Variants in PKHD1 observed in about 807,000 individuals in gnomAD.
PKHD1 encodes the protein PKHD1 ciliary IPT domain containing fibrocystin/polyductin, also known as fibrocystin.
PKHD1 carries 291 observed loss-of-function variants against 412.0 expected under a neutral mutation model. That is an observed-to-expected ratio of 0.71 (90% CI 0.64 to 0.78). The LOEUF (loss-of-function observed/expected upper bound fraction) is 0.78. Ranked by LOEUF, PKHD1 falls within the 30% of genes least tolerant of loss-of-function variation. The pLI is 0.00. For missense variants in PKHD1, 4,825 were observed against 4,950.7 expected (o/e 0.97, Z 0.76); for synonymous variants, 1,777 against 1,821.5 (o/e 0.98, Z 0.62).
Position 51,627,248 on chromosome 6 carries a change from T to G in PKHD1, c.11666-132A>C, listed in dbSNP as rs9474033. The G allele has an allele frequency of 0.28, 235,975 of 830,046 alleles. 34,343 individuals are homozygous for G. The highest frequency in any genetic ancestry group is 0.3 in the African/African-American group (17,985 of 59,030). The allele number at this position is 830,046 out of a possible 1,614,324, so 51.4% of individuals were successfully genotyped here. A position where few individuals can be genotyped will look rare whatever the true frequency, so the allele number is the denominator to read the frequency against. The stretch of plus-strand genomic sequence containing the variant: ...CATGCAACAGAAAGCATATAACATA[T>G]TCAGAGTTCAAGAAATAATGGCATA... On this transcript the variant is annotated intron_variant, in intron 65 of 66. Transcript: ENST00000371117.
chr6:51,999,399 G>A lies in PKHD1; in HGVS notation c.5751+10910C>T, dbSNP rs917993268. 4.6e-5 allele frequency among the ~76,000 whole-genome samples: 7 copies of A among 152,144 alleles called. No individual in the cohort carries two copies. In the South Asian group the frequency reaches 1.4e-3, roughly 31 times the overall value. The stretch of plus-strand genomic sequence containing the variant: ...CTGAGCTGATTTTCAATTCGATGAA[G>A]TCCGTTTCCATAACACTTTTAATAT... On this transcript the variant is annotated intron_variant, in intron 35 of 66. Coordinates refer to ENST00000371117, the MANE Select transcript of PKHD1 (RefSeq NM_138694.4).
intron 52 of PKHD1, among the ~76,000 whole-genome samples, chr6:51,821,029 C>G (rs980374245): frequency 4.6e-5 from 7 of 152,190 alleles, no homozygotes; most frequent in African/African-American, 1.7e-4. Flanking sequence ...GGCAGCTGCT[C>G]CTTGCTTGGC....
At chr6:51,959,577 C>A (rs997390305) in intron 36 of PKHD1, among the ~76,000 whole-genome samples, 2 of 152,034 alleles carry the variant, frequency 1.3e-5, no homozygotes, top group East Asian at 3.9e-4. Flanking sequence ...CCTGGATAAG[C>A]ATGACTAAAA....
intron 52 of PKHD1, among the ~76,000 whole-genome samples, chr6:51,827,241 C>T (rs1419833196): frequency 6.6e-6 from 1 of 151,966 alleles, no homozygotes; most frequent in Non-Finnish European, 1.5e-5. Flanking sequence ...TTGCTAATAC[C>T]AGAGGCCAAG....
rs1162150338 is a variant in PKHD1 at position 51,906,319 on chromosome 6, G to T, written c.6704C>A (p.Thr2235Lys). 3.1e-6 allele frequency: 5 copies of T among 1,610,442 alleles called. No homozygotes were observed. The highest frequency in any genetic ancestry group is 4.2e-6 in the Non-Finnish European group (5 of 1,177,064). ...GCCTCTACTGAAGGAGTTCCTCACTGTGCAGCCCTGTATGAAAGACTCTGA... is the reference window on the plus strand; with the variant it reads ...GCCTCTACTGAAGGAGTTCCTCACTTTGCAGCCCTGTATGAAAGACTCTGA... ...AMRESFIQGC[T>K]VRNSFSRGLS... Residue 2235 changes from threonine (T) to lysine (K), a missense_variant, in exon 41 of 67, where the codon ACA (threonine) becomes AAA (lysine). Physicochemically the swap from Thr to Lys is moderately conservative, Grantham distance 78. Coordinates refer to ENST00000371117, the MANE Select transcript of PKHD1 (RefSeq NM_138694.4).
intron 34 of PKHD1, among the ~76,000 whole-genome samples, chr6:52,016,859 T>C (rs1057243012): frequency 7.2e-5 from 11 of 152,174 alleles, no homozygotes; most frequent in African/African-American, 2.2e-4. Flanking sequence ...GGGGGTTAAC[T>C]TGGAAAGTTG....
At chr6:51,848,016 C>A (rs777862953) in intron 49 of PKHD1, 46 bp from the exon 50 acceptor site, 3 of 1,326,712 alleles carry the variant, frequency 2.3e-6, no homozygotes, top group South Asian at 1.2e-5. Context: ...AGTAAGGAAC[C>A]CCATCATTCC....
chr6:52,044,841 C>A, intron 25 of PKHD1, 125 bp downstream of exon 25: 1 of 1,007,288 alleles, frequency 9.9e-7, no homozygotes, highest in Non-Finnish European at 1.6e-6. Flanking sequence ...CATAAGTACC[C>A]CTGTTTTACA....
At chr6:51,982,131 G>C (rs1270034775) in intron 35 of PKHD1, among the ~76,000 whole-genome samples, 1 of 55,140 alleles carries the variant, frequency 1.8e-5, no homozygotes. Context: ...CAGCCACCCC[G>C]TCTGGGAAGT....
At position 51,754,826 on chromosome 6, in the gene PKHD1, G is replaced by A. The variant is rs886042601; in HGVS notation, c.8755C>T (p.His2919Tyr). 4 of 1,613,368 alleles carry A rather than the reference G, an allele frequency of 2.5e-6. No homozygotes were observed. The highest frequency in any genetic ancestry group is 3.4e-6 in the Non-Finnish European group (4 of 1,179,434). ...AGCCGTTCATAGATCCTCACATGGT[G>A]GCCCTTGACTTCTTTCACAGTGAGG... ...EVLTVKEVKG[H>Y]HVRIYERLKH... Residue 2919 changes from histidine (H) to tyrosine (Y), a missense_variant, in exon 56 of 67, where the codon CAC becomes TAC. Physicochemically the swap from His to Tyr is moderately conservative, Grantham distance 83 (BLOSUM62 2). Coordinates refer to ENST00000371117, the MANE Select transcript of PKHD1 (RefSeq NM_138694.4).
Position 51,748,187 on chromosome 6 carries a change from T to A in PKHD1, c.9429A>T (p.Arg3143Ser). 5 of 1,614,122 alleles carry A rather than the reference T, an allele frequency of 3.1e-6. No individual in the cohort carries two copies. The highest frequency in any genetic ancestry group is 4.2e-6 in the Non-Finnish European group (5 of 1,179,980). The change falls in exon 58 of 67, where the codon AGA becomes AGT. Residue 3143 changes from arginine (R) to serine (S), a missense_variant. Physicochemically the swap from Arg to Ser is moderately radical, Grantham distance 110. Transcript: ENST00000371117. ...TCTTGAAAGCCAAGAAGCCAGAGAT[T>A]CTGGTACAGTTGTCAAGTCCACTTT... ...YKESGLDNCT[R>S]ISGFLAFKNF...
chr6:51,731,175 A>G (rs1783192333), intron 60 of PKHD1, among the ~76,000 whole-genome samples: 1 of 152,206 alleles, frequency 6.6e-6, no homozygotes, highest in Middle Eastern at 3.2e-3. Context: ...CTTGAAGACT[A>G]GGAACACAGC....
intron 35 of PKHD1, among the ~76,000 whole-genome samples, chr6:51,977,946 A>T (rs1794668922): frequency 6.6e-6 from 1 of 152,194 alleles, no homozygotes; most frequent in Non-Finnish European, 1.5e-5. Flanking sequence ...GGCAGACTGG[A>T]TTGGTGAGGG....
At chr6:52,060,950 A>C (rs1384072181) in intron 14 of PKHD1, among the ~76,000 whole-genome samples, 1 of 152,142 alleles carries the variant, frequency 6.6e-6, no homozygotes, top group Non-Finnish European at 1.5e-5. Context: ...ATTAGTTACT[A>C]CCTGGCTTGT....
At chr6:51,932,557 G>T (rs1262654854) in intron 37 of PKHD1, among the ~76,000 whole-genome samples, 1 of 152,194 alleles carries the variant, frequency 6.6e-6, no homozygotes, top group Non-Finnish European at 1.5e-5. Flanking sequence ...TTGGGTTAGT[G>T]GCTTAAGAGG....
intron 60 of PKHD1, among the ~76,000 whole-genome samples, chr6:51,671,193 C>T (rs1333115683): frequency 6.6e-6 from 1 of 152,010 alleles, no homozygotes; most frequent in African/African-American, 2.4e-5. Context: ...ACCAATCAGA[C>T]GTAGATTTGG....
At chr6:51,997,380 T>C (rs1797834022) in intron 35 of PKHD1, among the ~76,000 whole-genome samples, 1 of 152,240 alleles carries the variant, frequency 6.6e-6, no homozygotes, top group Non-Finnish European at 1.5e-5. Context: ...CAATATAGTC[T>C]CTTTATCAAA....
chr6:51,992,810 A>G (rs1025762525), intron 35 of PKHD1, among the ~76,000 whole-genome samples: 2 of 152,242 alleles, frequency 1.3e-5, no homozygotes, highest in South Asian at 2.1e-4. Context: ...GAAAACTCAC[A>G]CAAAAAGAGA....
rs1458646439 is a variant in PKHD1 at position 52,052,601 on chromosome 6, G to A, written c.2140+475C>T. Reference sequence around the variant, plus strand: ...ACTGCTGAGTTCCTTCCAGCACCTGGTATGACATATTAACTCATGGAAAGG... The same window carrying A: ...ACTGCTGAGTTCCTTCCAGCACCTGATATGACATATTAACTCATGGAAAGG... On this transcript the variant is annotated intron_variant, in intron 21 of 66. Transcript: ENST00000371117. Among the ~76,000 whole-genome samples, 4 of 152,116 alleles carry A rather than the reference G, an allele frequency of 2.6e-5. 1 individual carries two copies. Among genetic ancestry groups the A allele is most frequent in the East Asian group, 3.8e-4 (2 of 5,202 alleles).
Sources: gnomAD v4.1 joint callset for allele counts (sites outside exome capture counted in the v4.1 genomes callset) on GRCh38, gnomAD v4.1.1 for gene constraint, MANE v1.5 for transcripts, NCBI Gene and HGNC (gene_info 2026-07-23, HGNC 2026-07-21) for gene names.